The following RBFOX1 variants were observed in gnomAD, a reference collection of about 807,000 sequenced individuals.
RBFOX1 encodes the protein RNA binding protein fox-1 homolog 1.
Under a neutral mutation model 57.7 loss-of-function variants are expected in RBFOX1, and 8 were observed. The observed-to-expected ratio is 0.14, with a 90% CI of 0.08 to 0.25. The LOEUF is 0.25. RBFOX1 is among the 10% of genes least tolerant of loss of function. RBFOX1 has a pLI of 1.00. For missense variants in RBFOX1, 611 were observed against 548.5 expected, an observed-to-expected ratio of 1.11 and a Z score of -1.14; for synonymous variants, 326 against 222.4, an observed-to-expected ratio of 1.47 and a Z score of -4.15.
chr16:7,057,944 G>T (rs2052918502), intron 4 of RBFOX1, among the ~76,000 whole-genome samples: 1 of 147,804 alleles, frequency 6.8e-6, no homozygotes, highest in Non-Finnish European at 1.5e-5. Context: ...GGAGGTGGAG[G>T]TTGCAGTGAG....
chr16:6,882,338 T>G (rs190543297), intron 3 of RBFOX1, among the ~76,000 whole-genome samples: 83 of 152,286 alleles, frequency 5.5e-4, no homozygotes, highest in Non-Finnish European at 9.7e-4. Flanking sequence ...CTGGCTACTT[T>G]TAGCAGTGAG....
At chr16:5,759,862 C>T (rs1264304997) in intron 3 of RBFOX1, among the ~76,000 whole-genome samples, 1 of 152,108 alleles carries the variant, frequency 6.6e-6, no homozygotes, top group Non-Finnish European at 1.5e-5. Flanking sequence ...ACTTCTTGGA[C>T]ATCTTGATCA....
chr16:7,359,235 G>A (rs754979977), intron 4 of RBFOX1, among the ~76,000 whole-genome samples: 1 of 152,138 alleles, frequency 6.6e-6, no homozygotes, highest in Non-Finnish European at 1.5e-5. Context: ...TCAGAGGGAC[G>A]ATTATGAGAA....
intron 1 of RBFOX1, among the ~76,000 whole-genome samples, chr16:6,253,705 A>G (rs1428912365): frequency 6.2e-4 from 80 of 129,780 alleles, no homozygotes; most frequent in South Asian, 2.0e-3. Flanking sequence ...GTGTGTATAT[A>G]TATATATATG....
chr16:6,811,018 G>C (rs1231674069), intron 3 of RBFOX1, among the ~76,000 whole-genome samples: 1 of 152,172 alleles, frequency 6.6e-6, no homozygotes, highest in Non-Finnish European at 1.5e-5. Context: ...AATAGTTACA[G>C]AACACACACA....
chr16:7,701,863 G>A (rs973093028), intron 14 of RBFOX1, among the ~76,000 whole-genome samples: 1 of 152,198 alleles, frequency 6.6e-6, no homozygotes, highest in Non-Finnish European at 1.5e-5. Flanking sequence ...ATTGCTTTCT[G>A]AATTTCCCAA....
At chr16:6,176,812 A>C (rs539625497) in intron 1 of RBFOX1, among the ~76,000 whole-genome samples, 3 of 152,102 alleles carry the variant, frequency 2.0e-5, no homozygotes, top group Non-Finnish European at 4.4e-5. Context: ...TTTTGGGTAC[A>C]TGTGTCCTTA....
intron 4 of RBFOX1, among the ~76,000 whole-genome samples, chr16:7,187,688 C>CAG (rs2084244541): frequency 2.3e-5 from 1 of 43,218 alleles, no homozygotes; most frequent in African/African-American, 7.4e-5. Flanking sequence ...GACTCTGTCT[C>CAG]ACAAAAAAAA....
intron 1 of RBFOX1, among the ~76,000 whole-genome samples, chr16:6,234,860 C>G (rs906670033): frequency 1.4e-4 from 22 of 152,038 alleles, no homozygotes; most frequent in Non-Finnish European, 2.8e-4. Flanking sequence ...GAAATGTGAA[C>G]AAGGTCTGTA....
intron 1 of RBFOX1, among the ~76,000 whole-genome samples, chr16:6,155,368 C>T (rs937840036): frequency 2.6e-5 from 4 of 152,106 alleles, no homozygotes; most frequent in Non-Finnish European, 4.4e-5. Flanking sequence ...CAGCCTGGCC[C>T]ACAGATTTAG....
At chr16:7,593,659 C>T (rs1219814825) in intron 7 of RBFOX1, among the ~76,000 whole-genome samples, 4 of 146,620 alleles carry the variant, frequency 2.7e-5, no homozygotes, top group Non-Finnish European at 6.0e-5. Flanking sequence ...GGTCCACTTA[C>T]ATGTGAATTT....
chr16:6,775,209 G>A (rs980372513), intron 3 of RBFOX1, among the ~76,000 whole-genome samples: 11 of 149,414 alleles, frequency 7.4e-5, no homozygotes, highest in Middle Eastern at 3.3e-3. Context: ...TGGTTCGGAC[G>A]CCTGTAGTCC....
chr16:6,173,604 C>CCTTTT (rs774297329), intron 1 of RBFOX1, among the ~76,000 whole-genome samples: 8 of 70,950 alleles, frequency 1.1e-4, no homozygotes, highest in Admixed American at 4.4e-4. Context: ...TGACCACTCC[C>CCTTTT]TTTTTTTTTT....
At chr16:7,283,195 GGT>G (rs1405669999) in intron 4 of RBFOX1, among the ~76,000 whole-genome samples, 18 of 151,898 alleles carry the variant, frequency 1.2e-4, no homozygotes, top group Non-Finnish European at 2.9e-5. Context: ...CATAGTGGTG[GGT>G]TAAGCATTTT....
chr16:6,663,200 G>A (rs1332768874), intron 3 of RBFOX1, among the ~76,000 whole-genome samples: 1 of 152,144 alleles, frequency 6.6e-6, no homozygotes, highest in Admixed American at 6.5e-5. Flanking sequence ...GACTGGATAA[G>A]TCCTATCCAC....
chr16:6,669,495 T>C (rs1314764489), intron 3 of RBFOX1, among the ~76,000 whole-genome samples: 2 of 152,196 alleles, frequency 1.3e-5, no homozygotes, highest in Non-Finnish European at 2.9e-5. Context: ...TCCAGAGTGA[T>C]TGCAGTATGA....
chr16:5,403,711 G>A (rs139166763), intron 1 of RBFOX1, among the ~76,000 whole-genome samples: 4,317 of 152,250 alleles, frequency 0.028, 177 homozygotes, highest in African/African-American at 0.086. Flanking sequence ...CTCCCGAAGT[G>A]CTGGGGTTAC....
chr16:6,415,585 C>T (rs2093602397), intron 2 of RBFOX1, among the ~76,000 whole-genome samples: 2 of 152,128 alleles, frequency 1.3e-5, no homozygotes, highest in African/African-American at 4.8e-5. Flanking sequence ...CCTGCAGTCC[C>T]AGCTACTGTG....
chr16:5,949,331 C>T (rs1032017479), intron 4 of RBFOX1, among the ~76,000 whole-genome samples: 2 of 151,802 alleles, frequency 1.3e-5, no homozygotes, highest in Non-Finnish European at 2.9e-5. Context: ...TCGAGACCAT[C>T]CTGTCTAACA....
Sources: allele counts gnomAD v4.1 joint callset (sites outside exome capture counted in the v4.1 genomes callset), GRCh38; gene constraint gnomAD v4.1.1; transcripts MANE v1.5; gene names NCBI Gene and HGNC (gene_info 2026-07-23, HGNC 2026-07-21).